MAP3K13: variants seen among roughly 807,000 people sequenced by gnomAD.
MAP3K13 encodes mitogen-activated protein kinase kinase kinase 13, also known as leucine zipper-bearing kinase.
Under a neutral mutation model 104.0 loss-of-function variants are expected in MAP3K13, and 52 were observed. That is an observed-to-expected ratio of 0.50 (90% CI 0.40 to 0.63). MAP3K13 has a LOEUF of 0.63. Ranked by LOEUF, MAP3K13 falls within the 20% of genes least tolerant of loss-of-function variation. The probability of loss-of-function intolerance (pLI) is 0.00; values close to 1 mark genes in which losing one functional copy is unlikely to be tolerated. For synonymous variants in MAP3K13, 394 were observed against 442.2 expected (o/e 0.89, Z 1.37); for missense variants, 914 against 1,218.5 (o/e 0.75, Z 3.72).
At chr3:185,300,486 TTTTTTTTTC>T (rs905920489) in intron 2 of MAP3K13, among the ~76,000 whole-genome samples, 2 of 149,944 alleles carry the variant, frequency 1.3e-5, no homozygotes, top group African/African-American at 2.5e-5. Context: ...ATTTCCTTAT[TTTTTTTTTC>T]TTTTTTTTCT....
chr3:185,465,845 G>A lies in MAP3K13; in HGVS notation c.1487G>A (p.Arg496Gln), dbSNP rs757935203. The change falls in exon 9 of 14, where the codon CGG (arginine) becomes CAG (glutamine). Residue 496 changes from arginine to glutamine, a missense_variant. This residue lies in a region of MAP3K13 where 583 missense variants were observed against 737.4 expected (regional missense o/e 0.79). Transcript: ENST00000265026. ...LSAIMLQLEMREKELIKREQA... is the reference protein window; with the variant it reads ...LSAIMLQLEMQEKELIKREQA... ...GCCATCATGCTGCAGCTAGAAATGC[G>A]GGAGAAGGAGCTCATTAAGTATGTA... 6.2e-6 allele frequency: 10 copies of A among 1,613,026 alleles called. No homozygotes were observed. The highest frequency in any genetic ancestry group is 1.1e-5 in the South Asian group (1 of 91,034).
chr3:185,378,748 G>C (rs1431018389), intron 1 of MAP3K13, among the ~76,000 whole-genome samples: 1 of 151,196 alleles, frequency 6.6e-6, no homozygotes, highest in Non-Finnish European at 1.5e-5. Flanking sequence ...GCAGAGACTA[G>C]GGAGGGACCG....
At chr3:185,406,622 T>C (rs1043022534) in intron 1 of MAP3K13, among the ~76,000 whole-genome samples, 1 of 152,216 alleles carries the variant, frequency 6.6e-6, no homozygotes, top group African/African-American at 2.4e-5. Flanking sequence ...AAAGCCTAGA[T>C]GGTACAAAGT....
chr3:185,449,791 A>G, intron 5 of MAP3K13, 109 bp from the exon 6 acceptor site: 1 of 949,238 alleles, frequency 1.1e-6, no homozygotes, highest in Non-Finnish European at 1.5e-6. Flanking sequence ...GCAGTATTAG[A>G]ATTTTAAAAC....
intron 1 of MAP3K13, among the ~76,000 whole-genome samples, chr3:185,412,906 C>T (rs1351711575): frequency 6.6e-6 from 1 of 152,188 alleles, no homozygotes; most frequent in African/African-American, 2.4e-5. Flanking sequence ...TCCATTAGCC[C>T]TCCCCTAGGT....
At chr3:185,447,494 C>CA (rs1178155454) in intron 4 of MAP3K13, among the ~76,000 whole-genome samples, 1,434 of 28,300 alleles carry the variant, frequency 0.051, 190 homozygotes, top group African/African-American at 0.082. Context: ...AACTCTGTCT[C>CA]AAAAAAAAAA....
intron 1 of MAP3K13, among the ~76,000 whole-genome samples, chr3:185,422,214 A>G (rs1229728788): frequency 6.6e-6 from 1 of 152,206 alleles, no homozygotes; most frequent in Non-Finnish European, 1.5e-5. Context: ...ATCAGTGGCC[A>G]TGATACCACG....
At chr3:185,298,670 A>G (rs915502669) in intron 2 of MAP3K13, among the ~76,000 whole-genome samples, 1 of 152,196 alleles carries the variant, frequency 6.6e-6, no homozygotes, top group East Asian at 1.9e-4. Context: ...AAGTAATGCA[A>G]AGGTCACCGT....
chr3:185,415,927 TC>T (rs1295389947), intron 1 of MAP3K13, among the ~76,000 whole-genome samples: 1 of 152,152 alleles, frequency 6.6e-6, no homozygotes, highest in African/African-American at 2.4e-5. Flanking sequence ...ATTAATATTC[TC>T]CCAAATATTA....
Position 185,418,432 on chromosome 3 carries a change from T to C in MAP3K13, c.-85-10065T>C. On this transcript the variant is annotated intron_variant, in intron 1 of 13. Coordinates refer to ENST00000265026, the MANE Select transcript of MAP3K13 (RefSeq NM_004721.5). This position sits in a 1 kb window ranked among gnomAD's most constrained non-coding sequence, Gnocchi z 4.5. ...GATGGCATATCGTTTTTGGGTTGTGTTCACTCTACGATGCCAACGGCGCCA... is the reference window on the plus strand; with the variant it reads ...GATGGCATATCGTTTTTGGGTTGTGCTCACTCTACGATGCCAACGGCGCCA... The C allele has an allele frequency of 3.7e-6, 6 of 1,609,644 alleles. No homozygotes were observed. Among genetic ancestry groups the C allele is most frequent in the Non-Finnish European group, 4.2e-6 (5 of 1,177,678 alleles).
intron 2 of MAP3K13, among the ~76,000 whole-genome samples, chr3:185,356,139 G>A (rs528158155): frequency 0.041 from 6,218 of 152,118 alleles, 144 homozygotes; most frequent in Middle Eastern, 0.061. Context: ...AACTTTTGAT[G>A]GTGACAAAGA....
At chr3:185,479,037 A>C (rs1718298373) in intron 12 of MAP3K13, among the ~76,000 whole-genome samples, 1 of 152,182 alleles carries the variant, frequency 6.6e-6, no homozygotes, top group African/African-American at 2.4e-5. Flanking sequence ...AGCTGCTTAT[A>C]AACAACGGGA....
intron 4 of MAP3K13, among the ~76,000 whole-genome samples, chr3:185,445,226 C>T (rs1353353148): frequency 1.3e-5 from 2 of 152,152 alleles, no homozygotes; most frequent in East Asian, 1.9e-4. Flanking sequence ...CCAAAGGTTA[C>T]TGCATTCTAC....
chr3:185,334,695 G>C (rs1033449552), intron 2 of MAP3K13, among the ~76,000 whole-genome samples: 1 of 150,988 alleles, frequency 6.6e-6, no homozygotes, highest in Non-Finnish European at 1.5e-5. Context: ...ACTGCAATCC[G>C]CCTCCTGGGT....
At chr3:185,306,371 G>A (rs1423307231) in intron 2 of MAP3K13, among the ~76,000 whole-genome samples, 2 of 152,194 alleles carry the variant, frequency 1.3e-5, no homozygotes, top group Non-Finnish European at 1.5e-5. Flanking sequence ...TTTCCACAGT[G>A]GCTGAACTAA....
intron 7 of MAP3K13, among the ~76,000 whole-genome samples, chr3:185,460,738 G>A (rs997742734): frequency 1.3e-5 from 2 of 152,142 alleles, no homozygotes; most frequent in African/African-American, 4.8e-5. Flanking sequence ...TTTCCCATAC[G>A]TCCTTTTTTC....
chr3:185,399,433 T>C (rs1274896831), intron 1 of MAP3K13, among the ~76,000 whole-genome samples: 3 of 151,456 alleles, frequency 2.0e-5, no homozygotes, highest in Non-Finnish European at 4.4e-5. Flanking sequence ...TGAAACTCCG[T>C]CTCTACTAAA....
At chr3:185,462,808 A>T (rs1717190282) in intron 7 of MAP3K13, among the ~76,000 whole-genome samples, 1 of 152,162 alleles carries the variant, frequency 6.6e-6, no homozygotes, top group Admixed American at 6.5e-5. Context: ...AATTTTTTTT[A>T]AAGCAGTCAT....
chr3:185,347,379 T>C (rs1300487766), intron 2 of MAP3K13, among the ~76,000 whole-genome samples: 1 of 152,222 alleles, frequency 6.6e-6, no homozygotes, highest in Non-Finnish European at 1.5e-5. Flanking sequence ...AATACTGTTC[T>C]GTGTAGCTTA....
Sources: allele counts gnomAD v4.1 joint callset (sites outside exome capture counted in the v4.1 genomes callset), GRCh38; gene constraint gnomAD v4.1.1; regional missense constraint gnomAD v4.1.1; non-coding constraint Gnocchi (gnomAD v3.1); transcripts MANE v1.5; gene names NCBI Gene and HGNC (gene_info 2026-07-23, HGNC 2026-07-21).